AGBL1: variants seen among roughly 807,000 people sequenced by gnomAD.
AGBL1 encodes cytosolic carboxypeptidase 4.
Under a neutral mutation model 118.9 loss-of-function variants are expected in AGBL1, and 130 were observed. The observed-to-expected ratio is 1.09, with a 90% CI of 0.95 to 1.26. The LOEUF (loss-of-function observed/expected upper bound fraction) is 1.26. AGBL1 is among the 50% of genes most tolerant of loss of function. AGBL1 has a pLI of 0.00. For synonymous variants in AGBL1, 555 were observed against 478.9 expected (o/e 1.16, Z -2.08); for missense variants, 1,584 against 1,298.1 (o/e 1.22, Z -3.38).
chr15:86,933,467 C>A (rs557600915), intron 23 of AGBL1, among the ~76,000 whole-genome samples: 1 of 152,306 alleles, frequency 6.6e-6, no homozygotes, highest in African/African-American at 2.4e-5. Flanking sequence ...AGATTTGTGA[C>A]TTCCCCAATT....
intron 22 of AGBL1, among the ~76,000 whole-genome samples, chr15:86,882,506 A>G (rs2079909274): frequency 6.6e-6 from 1 of 152,194 alleles, no homozygotes; most frequent in Non-Finnish European, 1.5e-5. Context: ...GAGTGACCTT[A>G]GATAAATCAC....
At chr15:86,492,576 C>T (rs1196911233) in intron 18 of AGBL1, among the ~76,000 whole-genome samples, 15 of 133,688 alleles carry the variant, frequency 1.1e-4, no homozygotes, top group Non-Finnish European at 2.0e-4. Context: ...GGTGAAAGAG[C>T]GAGACTCTAT....
chr15:86,224,051 G>C (rs1282467492), intron 5 of AGBL1, among the ~76,000 whole-genome samples: 1 of 152,136 alleles, frequency 6.6e-6, no homozygotes, highest in Non-Finnish European at 1.5e-5. Flanking sequence ...TCTTTGGCCT[G>C]TTCCTCCAAT....
intron 21 of AGBL1, among the ~76,000 whole-genome samples, chr15:86,622,218 T>A (rs1313634600): frequency 6.6e-6 from 1 of 151,808 alleles, no homozygotes; most frequent in Non-Finnish European, 1.5e-5. Context: ...TAATCCCAGC[T>A]ACTCAGGAGG....
At chr15:86,082,276 G>A (rs1051278843) in intron 1 of AGBL1, among the ~76,000 whole-genome samples, 1 of 152,230 alleles carries the variant, frequency 6.6e-6, no homozygotes, top group Non-Finnish European at 1.5e-5. Flanking sequence ...AGCTCACATT[G>A]TTTCTGAGAA....
chr15:86,391,210 T>G (rs1325074355), intron 17 of AGBL1, among the ~76,000 whole-genome samples: 2 of 152,154 alleles, frequency 1.3e-5, no homozygotes, highest in East Asian at 1.9e-4. Context: ...AATTTATGTC[T>G]GTAAATTATA....
chr15:86,949,397 G>A (rs921849615), intron 23 of AGBL1, among the ~76,000 whole-genome samples: 13 of 152,024 alleles, frequency 8.6e-5, no homozygotes, highest in African/African-American at 2.9e-4. Flanking sequence ...ACCCTTCAGG[G>A]AATTTTCAAA....
intron 22 of AGBL1, among the ~76,000 whole-genome samples, chr15:86,701,283 G>A (rs898432711): frequency 6.6e-6 from 1 of 152,076 alleles, no homozygotes; most frequent in Non-Finnish European, 1.5e-5. Context: ...TTAGAGAGTG[G>A]TGTGTGTTGG....
intron 5 of AGBL1, among the ~76,000 whole-genome samples, chr15:86,208,760 C>CA (rs559328935): frequency 1.3e-5 from 2 of 152,050 alleles, no homozygotes; most frequent in East Asian, 1.9e-4. Context: ...TTGATGTTTT[C>CA]AAAAAAACAG....
intron 21 of AGBL1, among the ~76,000 whole-genome samples, chr15:86,582,086 T>G (rs919416525): frequency 1.3e-5 from 2 of 152,136 alleles, no homozygotes; most frequent in African/African-American, 4.8e-5. Context: ...CTTTACCCAC[T>G]AGATGCAGGT....
At chr15:86,233,354 GATTA>G (rs1207307539) in intron 6 of AGBL1, among the ~76,000 whole-genome samples, 5 of 151,438 alleles carry the variant, frequency 3.3e-5, no homozygotes, top group Non-Finnish European at 1.5e-5. Flanking sequence ...CAGGCGAGGA[GATTA>G]GAAATTCTTT....
intron 23 of AGBL1, among the ~76,000 whole-genome samples, chr15:86,986,592 A>G (rs1240705732): frequency 6.6e-6 from 1 of 152,156 alleles, no homozygotes; most frequent in Admixed American, 6.5e-5. Flanking sequence ...GATGTAGAGG[A>G]GTCATATATC....
chr15:86,155,955 TC>T, intron 4 of AGBL1, among the ~76,000 whole-genome samples: 1 of 152,214 alleles, frequency 6.6e-6, no homozygotes, highest in Non-Finnish European at 1.5e-5. Context: ...GAAGTCTCAC[TC>T]TTTTGCCTAG....
intron 5 of AGBL1, among the ~76,000 whole-genome samples, chr15:86,198,255 C>G (rs986434352): frequency 1.3e-5 from 2 of 152,172 alleles, no homozygotes; most frequent in African/African-American, 4.8e-5. Flanking sequence ...ATTTTCAATG[C>G]ACATAAGTTT....
intron 18 of AGBL1, among the ~76,000 whole-genome samples, chr15:86,461,384 A>C (rs2082333280): frequency 6.6e-6 from 1 of 152,078 alleles, no homozygotes; most frequent in South Asian, 2.1e-4. Context: ...GGAGAGAAAA[A>C]TCTTCAGTGA....
intron 4 of AGBL1, among the ~76,000 whole-genome samples, chr15:86,158,242 G>A (rs1276069266): frequency 4.6e-5 from 7 of 152,212 alleles, no homozygotes; most frequent in Non-Finnish European, 8.8e-5. Flanking sequence ...GTAGTGAGAT[G>A]AGGAAGCTTC....
At chr15:86,904,616 C>T (rs1018512781) in intron 22 of AGBL1, among the ~76,000 whole-genome samples, 1 of 147,724 alleles carries the variant, frequency 6.8e-6, no homozygotes, top group Admixed American at 6.8e-5. Flanking sequence ...TTTGTAGTAT[C>T]TATTATATTT....
At chr15:86,345,870 A>AAG (rs934089852) in intron 17 of AGBL1, among the ~76,000 whole-genome samples, 3 of 152,258 alleles carry the variant, frequency 2.0e-5, no homozygotes, top group East Asian at 3.9e-4. Flanking sequence ...TAATAGGTTG[A>AAG]AGAGAGAGAG....
intron 23 of AGBL1, among the ~76,000 whole-genome samples, chr15:86,955,423 G>C (rs1476294562): frequency 6.6e-6 from 1 of 151,808 alleles, no homozygotes; most frequent in Non-Finnish European, 1.5e-5. Context: ...TGAAACAAAG[G>C]AGCCAAGAAT....
Sources: gnomAD v4.1 joint callset for allele counts (sites outside exome capture counted in the v4.1 genomes callset) on GRCh38, gnomAD v4.1.1 for gene constraint, MANE v1.5 for transcripts, NCBI Gene and HGNC (gene_info 2026-07-23, HGNC 2026-07-21) for gene names.